THRAP3: variants seen among roughly 807,000 people sequenced by gnomAD.
The protein encoded by THRAP3 is thyroid hormone receptor-associated protein 3.
A neutral mutation model predicts 101.0 loss-of-function variants in THRAP3; 16 were observed. The observed-to-expected ratio is 0.16, with a 90% confidence interval of 0.11 to 0.24. THRAP3 has a LOEUF of 0.24. THRAP3 is among the 10% of genes least tolerant of loss of function. The probability of loss-of-function intolerance (pLI) is 1.00; values close to 1 mark genes in which losing one functional copy is unlikely to be tolerated. For missense variants in THRAP3, 989 were observed against 1,202.7 expected, an observed-to-expected ratio of 0.82 and a Z score of 2.63; for synonymous variants, 407 against 422.6, an observed-to-expected ratio of 0.96 and a Z score of 0.45.
intron 1 of THRAP3, among the ~76,000 whole-genome samples, chr1:36,237,004 C>T (rs1270793527): frequency 6.6e-6 from 1 of 152,128 alleles, no homozygotes; most frequent in African/African-American, 2.4e-5. Flanking sequence ...TGGAGAAACC[C>T]TGTCTCTACT....
intron 1 of THRAP3, among the ~76,000 whole-genome samples, 188 bp downstream of exon 1, chr1:36,224,693 CT>C (rs1203654361): frequency 1.3e-5 from 2 of 152,182 alleles, no homozygotes; most frequent in Non-Finnish European, 2.9e-5. Context: ...CTTCCCCGCC[CT>C]TTAGGTCTTC....
chr1:36,296,462 C>A, intron 8 of THRAP3, 121 bp from the exon 9 acceptor site: 2 of 729,644 alleles, frequency 2.7e-6, no homozygotes, highest in Non-Finnish European at 4.4e-6. Context: ...GGGTGAGATG[C>A]CTCACATTTC....
In THRAP3 at chr1:36,289,167, T is replaced by G. The variant is rs1215874798; in HGVS notation, c.1148T>G (p.Leu383Trp). ...AAAGGGAGCTTCTCTGACACAGGCT[T>G]GGGTGATGGAAAAATGAAATCTGAT... The part of the protein sequence containing the change: ...KEKGSFSDTG[L>W]GDGKMKSDSF... The change falls in exon 5 of 12, where the codon TTG (leucine) becomes TGG (tryptophan). Residue 383 changes from leucine (L) to tryptophan (W), a missense_variant. Transcript: ENST00000354618. The G allele has an allele frequency of 6.2e-7, 1 of 1,613,980 alleles. No homozygotes were observed. The highest frequency in any genetic ancestry group is 8.5e-7 in the Non-Finnish European group (1 of 1,180,022).
At chr1:36,298,711 A>AT (rs1250114835) in intron 9 of THRAP3, among the ~76,000 whole-genome samples, 1 of 152,114 alleles carries the variant, frequency 6.6e-6, no homozygotes, top group Non-Finnish European at 1.5e-5. Context: ...TATGTTTCCC[A>AT]TGCTGGTCTT....
chr1:36,221,400 G>A (rs1390231751), upstream of THRAP3, among the ~76,000 whole-genome samples: 1 of 151,498 alleles, frequency 6.6e-6, no homozygotes, highest in Admixed American at 6.6e-5. Context: ...TTTCTCAGTG[G>A]ATGAAAAGGG....
At position 36,304,117 on chromosome 1, in the gene THRAP3, C is replaced by A; in HGVS notation, c.*100C>A. 1 of 1,424,310 alleles carries A rather than the reference C, an allele frequency of 7.0e-7. No homozygotes were observed. Among genetic ancestry groups the A allele is most frequent in the Middle Eastern group, 2.6e-4 (1 of 3,836 alleles). The allele number at this position is 1,424,310 out of a possible 1,614,324, so 88.2% of individuals were successfully genotyped here. On this transcript the variant is annotated 3_prime_UTR_variant, in exon 12 of 12. Coordinates refer to ENST00000354618, the MANE Select transcript of THRAP3 (RefSeq NM_005119.4). ...GAACCTCAAGAAGATTCTGAAAATC[C>A]TACCCCCACCCCCCACCAGCCGCAC... is the stretch of plus-strand genomic sequence containing the variant.
upstream of THRAP3, among the ~76,000 whole-genome samples, chr1:36,223,594 C>T (rs189653215): frequency 3.2e-3 from 486 of 152,278 alleles, 4 homozygotes; most frequent in African/African-American, 0.011. Flanking sequence ...CGGAGGAAAC[C>T]AGCCTGTGCA....
At chr1:36,264,799 A>G (rs1209682679) in intron 2 of THRAP3, among the ~76,000 whole-genome samples, 1 of 152,186 alleles carries the variant, frequency 6.6e-6, no homozygotes, top group Non-Finnish European at 1.5e-5. Flanking sequence ...GTGAAGATAT[A>G]CAGAGTTTAT....
At chr1:36,215,525 C>T in the THRAP3 span, among the ~76,000 whole-genome samples, 2 of 152,158 alleles carry the variant, frequency 1.3e-5, no homozygotes, top group African/African-American at 4.8e-5. Flanking sequence ...CTTAAGGAAG[C>T]ATCTCCTAAA....
intron 1 of THRAP3, among the ~76,000 whole-genome samples, chr1:36,235,512 T>G (rs1362127977): frequency 6.6e-6 from 1 of 152,176 alleles, no homozygotes; most frequent in East Asian, 1.9e-4. Flanking sequence ...AAAATTAGAT[T>G]ATTAATACTG....
intron 2 of THRAP3, among the ~76,000 whole-genome samples, chr1:36,280,010 C>T (rs1260731358): frequency 6.6e-6 from 1 of 152,158 alleles, no homozygotes; most frequent in Non-Finnish European, 1.5e-5. Flanking sequence ...TGAGGCTGGG[C>T]GGGGTGGCTC....
At chr1:36,221,168 C>T (rs943202695), upstream of THRAP3, among the ~76,000 whole-genome samples, 1 of 123,174 alleles carries the variant, frequency 8.1e-6, no homozygotes, top group African/African-American at 3.2e-5. Flanking sequence ...ATCTGGGTGA[C>T]AGAGTGAGAC....
rs767043486 is a variant in THRAP3 at position 36,289,585 on chromosome 1, A to C, written c.1566A>C (p.Arg522=). ...HRGFVPEKNF[R]VTAYKAVQEK... ...GCTTTGTGCCTGAGAAGAATTTCCG[A>C]GTGACTGCTTATAAAGCAGTCCAGG... Residue 522 remains arginine, a synonymous_variant, in exon 5 of 12, where the codon CGA becomes CGC. Transcript: ENST00000354618. The C allele has an allele frequency of 6.2e-7, 1 of 1,614,124 alleles. No individual in the cohort carries two copies. Among genetic ancestry groups the C allele is most frequent in the Non-Finnish European group, 8.5e-7 (1 of 1,180,012 alleles).
intron 3 of THRAP3, among the ~76,000 whole-genome samples, chr1:36,283,036 A>G (rs752305754): frequency 6.6e-6 from 1 of 152,366 alleles, no homozygotes; most frequent in Non-Finnish European, 1.5e-5. Flanking sequence ...GGCTTGAACC[A>G]AAGTTTATGT....
In THRAP3 at chr1:36,301,584, G is replaced by C; in HGVS notation, c.2534G>C (p.Arg845Thr). Reference protein sequence around the residue: ...QFRARGRGWGRGNYSGNNNNN... With the variant: ...QFRARGRGWGTGNYSGNNNNN... ...CGAGCCAGAGGAAGAGGCTGGGGCA[G>C]AGGCAACTACTCTGGGAACAATAAC... The change falls in exon 11 of 12, where the codon AGA becomes ACA. Residue 845 changes from arginine to threonine, a missense_variant. Coordinates refer to ENST00000354618, the MANE Select transcript of THRAP3 (RefSeq NM_005119.4). The C allele has an allele frequency of 6.2e-7, 1 of 1,614,182 alleles. No homozygotes were observed. The highest frequency in any genetic ancestry group is 8.5e-7 in the Non-Finnish European group (1 of 1,180,014).
chr1:36,257,671 G>A (rs1015709302), intron 1 of THRAP3, among the ~76,000 whole-genome samples: 13 of 152,158 alleles, frequency 8.5e-5, no homozygotes, highest in Non-Finnish European at 1.6e-4. Flanking sequence ...TTCACTCATC[G>A]CAACAATGGG....
upstream of THRAP3, among the ~76,000 whole-genome samples, chr1:36,220,597 C>A (rs1053410340): frequency 3.3e-5 from 5 of 151,978 alleles, no homozygotes; most frequent in African/African-American, 1.2e-4. Flanking sequence ...GAACCCAGCA[C>A]TTTAGAAACC....
At chr1:36,241,385 GTATATATATATATATATATA>G (rs1166260923) in intron 1 of THRAP3, among the ~76,000 whole-genome samples, 7 of 8,654 alleles carry the variant, frequency 8.1e-4, no homozygotes, top group Admixed American at 6.6e-3. Context: ...GATAATGGGT[GTATATATATATATATATATA>G]TATATATATA....
intron 1 of THRAP3, among the ~76,000 whole-genome samples, chr1:36,249,341 G>A (rs770349366): frequency 2.1e-4 from 32 of 151,898 alleles, no homozygotes; most frequent in South Asian, 6.2e-4. Flanking sequence ...ACAGGTGCCC[G>A]CCACCACACC....
Sources: allele counts gnomAD v4.1 joint callset (sites outside exome capture counted in the v4.1 genomes callset), GRCh38; gene constraint gnomAD v4.1.1; transcripts MANE v1.5; gene names NCBI Gene and HGNC (gene_info 2026-07-23, HGNC 2026-07-21).